Variants in PIKFYVE observed in about 807,000 individuals in gnomAD.
PIKFYVE encodes the protein phosphoinositide kinase, FYVE-type zinc finger containing, also known as 1-phosphatidylinositol 3-phosphate 5-kinase.
PIKFYVE carries 122 observed loss-of-function variants against 257.9 expected under a neutral mutation model. The observed-to-expected ratio is 0.47, with a 90% CI of 0.41 to 0.55. The LOEUF (loss-of-function observed/expected upper bound fraction) is 0.55. Ranked by LOEUF, PIKFYVE falls within the 20% of genes least tolerant of loss-of-function variation. The pLI is 0.00. For synonymous variants in PIKFYVE, 892 were observed against 868.9 expected (o/e 1.03, Z -0.47); for missense variants, 2,160 against 2,536.6 (o/e 0.85, Z 3.19).
At position 208,326,148 on chromosome 2, in the gene PIKFYVE, C is replaced by T. The variant is rs1388316920; in HGVS notation, c.3337C>T (p.Leu1113Phe). The T allele has an allele frequency of 6.2e-7, 1 of 1,613,946 alleles. No individual in the cohort carries two copies. Among genetic ancestry groups the T allele is most frequent in the Non-Finnish European group, 8.5e-7 (1 of 1,180,018 alleles). ...ACAGCTGCTCAGGGATCTCTCTGGA[C>T]TTCAGGGCATGAATGGAAGTATTCA... is the stretch of plus-strand genomic sequence containing the variant. Reference protein sequence around the residue: ...KKQLLRDLSGLQGMNGSIQAK... With the variant: ...KKQLLRDLSGFQGMNGSIQAK... Residue 1113 changes from leucine (L) to phenylalanine (F), a missense_variant, in exon 20 of 42, where the codon CTT becomes TTT. By Grantham distance (22) the Leu-to-Phe change is conservative. Transcript: ENST00000264380.
chr2:208,317,984 C>A (rs780071685), intron 16 of PIKFYVE, 43 bp downstream of exon 16: 2 of 1,565,642 alleles, frequency 1.3e-6, no homozygotes, highest in Non-Finnish European at 1.8e-6. Flanking sequence ...CAAACCATGG[C>A]TGTGTGCTTA....
chr2:208,268,013 A>C lies in PIKFYVE; in HGVS notation c.-10+1598A>C, dbSNP rs184208358. 1.0e-3 allele frequency among the ~76,000 whole-genome samples: 152 copies of C among 152,300 alleles called. 2 individuals carry two copies. Among genetic ancestry groups the C allele is most frequent in the East Asian group, 5.8e-4 (3 of 5,180 alleles). Reference sequence around the variant, plus strand: ...TAGTAGCCTTAATTAGAAATGGTGAAGTATTGGTGATATATCAGAAGGCTT... The same window carrying C: ...TAGTAGCCTTAATTAGAAATGGTGACGTATTGGTGATATATCAGAAGGCTT... On this transcript the variant is annotated intron_variant, in intron 1 of 41. Coordinates refer to ENST00000264380, the MANE Select transcript of PIKFYVE (RefSeq NM_015040.4).
intron 13 of PIKFYVE, among the ~76,000 whole-genome samples, chr2:208,313,087 T>G (rs73056445): frequency 0.013 from 2,041 of 152,348 alleles, 48 homozygotes; most frequent in African/African-American, 0.045. Flanking sequence ...ACATATACTT[T>G]ACTGTGTAAT....
intron 25 of PIKFYVE, 147 bp downstream of exon 25, chr2:208,335,566 C>A: frequency 1.2e-6 from 1 of 812,296 alleles, no homozygotes; most frequent in Non-Finnish European, 1.9e-6. Context: ...ATTGTAGACG[C>A]TATGGAAAGA....
chr2:208,301,750 AC>A (rs1427970351), intron 9 of PIKFYVE, among the ~76,000 whole-genome samples: 3 of 152,180 alleles, frequency 2.0e-5, no homozygotes, highest in Non-Finnish European at 2.9e-5. Context: ...CTGTGAATAA[AC>A]TGTGGGGGAT....
Position 208,288,837 on chromosome 2 carries a change from A to G in PIKFYVE, c.911+19A>G. The G allele has an allele frequency of 6.2e-7, 1 of 1,612,714 alleles. No individual in the cohort carries two copies. The highest frequency in any genetic ancestry group is 8.5e-7 in the Non-Finnish European group (1 of 1,178,772). On this transcript the variant is annotated intron_variant, in intron 7 of 41. Coordinates refer to ENST00000264380, the MANE Select transcript of PIKFYVE (RefSeq NM_015040.4). ...GAAATAGGTAAACTGACAAATGAAA[A>G]CACTGTGCTCTCTGATGTTTATTTC... is the stretch of plus-strand genomic sequence containing the variant.
rs767832758 is a variant in PIKFYVE, at chr2:208,324,907, G to A, written c.2332-4G>A. ...TTGTAATACAATGTTTTTCTGTTTT[G>A]TAGCAAGTTTTGGAACGAATCAGTC... On this transcript the variant is annotated splice_region_variant and splice_polypyrimidine_tract_variant and intron_variant, in intron 18 of 41. Transcript: ENST00000264380. The A allele has an allele frequency of 4.3e-6, 7 of 1,613,346 alleles. No homozygotes were observed. The East Asian group carries it at 6.7e-5, about 15-fold the overall frequency.
At chr2:208,280,726 G>C (rs1295576853) in intron 5 of PIKFYVE, among the ~76,000 whole-genome samples, 1 of 152,210 alleles carries the variant, frequency 6.6e-6, no homozygotes, top group Non-Finnish European at 1.5e-5. Context: ...GTATGACTCT[G>C]TTTTCATGAT....
rs1224757370 is a variant in PIKFYVE at position 208,355,509 on chromosome 2, C to T, written c.*204C>T. 7 of 541,530 alleles carry T rather than the reference C, an allele frequency of 1.3e-5. No individual in the cohort carries two copies. The highest frequency in any genetic ancestry group is 2.3e-5 in the Non-Finnish European group (7 of 303,740). The allele number at this position is 541,530 out of a possible 1,614,324, so 33.5% of individuals were successfully genotyped here. On this transcript the variant is annotated 3_prime_UTR_variant, in exon 42 of 42. Coordinates refer to ENST00000264380, the MANE Select transcript of PIKFYVE (RefSeq NM_015040.4). ...TGGTTTTTGATACCTGTGGAGCTGT[C>T]TGTAGGTTGGGAAGTGGCATGAAAA...
chr2:208,331,860 A>G (rs1242619217), intron 23 of PIKFYVE, among the ~76,000 whole-genome samples: 2 of 152,232 alleles, frequency 1.3e-5, no homozygotes, highest in Non-Finnish European at 2.9e-5. Context: ...AATTGTTCTT[A>G]CCGACTTTAG....
chr2:208,308,437 T>A (rs115284379), intron 12 of PIKFYVE, among the ~76,000 whole-genome samples: 230 of 152,012 alleles, frequency 1.5e-3, no homozygotes, highest in African/African-American at 5.1e-3. Context: ...TTATTCTTAG[T>A]GGTGAGAACC....
chr2:208,330,750 T>G, intron 23 of PIKFYVE, 56 bp downstream of exon 23: 1 of 1,374,924 alleles, frequency 7.3e-7, no homozygotes, highest in Non-Finnish European at 9.6e-7. Context: ...ATTTGTATGT[T>G]TTTTTTTTTT....
At position 208,330,690 on chromosome 2, in the gene PIKFYVE, A is replaced by G. The variant is rs1395639360; in HGVS notation, c.3959A>G (p.Lys1320Arg). The G allele has an allele frequency of 1.2e-6, 2 of 1,613,214 alleles. No individual in the cohort carries two copies. The highest frequency in any genetic ancestry group is 1.3e-5 in the African/African-American group (1 of 74,964). ...ACATATTCCTGGTGTAGAATCTGCA[A>G]ACAGGTAAATAGACCCTATTACTAT... The part of the protein sequence containing the change: ...ILTYSWCRIC[K>R]QVTPVVALSN... The change falls in exon 23 of 42, where the codon AAA (lysine) becomes AGA (arginine). Residue 1320 changes from lysine to arginine, a missense_variant. Around this residue, in one of 12 missense-constraint regions of PIKFYVE, gnomAD observed 55 missense variants for 103.0 expected, o/e 0.53. Coordinates refer to ENST00000264380, the MANE Select transcript of PIKFYVE (RefSeq NM_015040.4).
intron 7 of PIKFYVE, among the ~76,000 whole-genome samples, chr2:208,297,072 G>A (rs1693083419): frequency 6.6e-6 from 1 of 152,182 alleles, no homozygotes; most frequent in African/African-American, 2.4e-5. Context: ...CTATCTCCAT[G>A]TGTTTTGAAT....
chr2:208,291,507 C>T (rs1353530531), intron 7 of PIKFYVE, among the ~76,000 whole-genome samples: 1 of 151,956 alleles, frequency 6.6e-6, no homozygotes, highest in African/African-American at 2.4e-5. Context: ...GAAAGTATTT[C>T]CTCTGATTCT....
intron 15 of PIKFYVE, among the ~76,000 whole-genome samples, chr2:208,317,258 A>T (rs1333584792): frequency 6.6e-6 from 1 of 152,046 alleles, no homozygotes; most frequent in Non-Finnish European, 1.5e-5. Context: ...AATATCCACA[A>T]TCTACAATGA....
chr2:208,329,709 C>A, intron 21 of PIKFYVE, 133 bp from the exon 22 acceptor site: 2 of 1,440,680 alleles, frequency 1.4e-6, no homozygotes, highest in Non-Finnish European at 1.9e-6. Flanking sequence ...TTCATAACAA[C>A]AAAGAACATT....
At chr2:208,354,232 T>G in intron 40 of PIKFYVE, 73 bp downstream of exon 40, 1 of 1,509,818 alleles carries the variant, frequency 6.6e-7, no homozygotes, top group East Asian at 2.3e-5. Flanking sequence ...CTATTGAACC[T>G]GGTCTAATAA....
In PIKFYVE at chr2:208,320,328, A is replaced by C; in HGVS notation, c.2159A>C (p.Lys720Thr). Residue 720 changes from lysine (K) to threonine (T), a missense_variant, in exon 17 of 42, where the codon AAG (lysine) becomes ACG (threonine). Lys to Thr is a moderately conservative substitution (Grantham distance 78, BLOSUM62 -1). Coordinates refer to ENST00000264380, the MANE Select transcript of PIKFYVE (RefSeq NM_015040.4). ...SIEYLYREETKFTCIDPIVLQ... is the reference protein window; with the variant it reads ...SIEYLYREETTFTCIDPIVLQ... ...GAGTATCTCTACAGAGAAGAAACTA[A>C]GTTTACTTGCATTGATCCTATTGTG... 3.1e-6 allele frequency: 5 copies of C among 1,612,386 alleles called. No homozygotes were observed. The highest frequency in any genetic ancestry group is 4.2e-6 in the Non-Finnish European group (5 of 1,178,782).
Sources: gnomAD v4.1 joint callset for allele counts (sites outside exome capture counted in the v4.1 genomes callset) on GRCh38, gnomAD v4.1.1 for gene constraint, gnomAD v4.1.1 regional missense constraint, MANE v1.5 for transcripts, NCBI Gene and HGNC (gene_info 2026-07-23, HGNC 2026-07-21) for gene names.